GBF1: variants seen among roughly 807,000 people sequenced by gnomAD.
GBF1 encodes golgi brefeldin A resistant guanine nucleotide exchange factor 1.
In GBF1, 114 loss-of-function variants were observed where a neutral mutation model predicts 210.5. The observed-to-expected ratio is 0.54, with a 90% CI of 0.47 to 0.63. The LOEUF (loss-of-function observed/expected upper bound fraction) is 0.63, where lower values mean the gene tolerates loss of function less well. Among genes scored for constraint, GBF1 ranks in the 30% least tolerant of loss-of-function variants. The probability of loss-of-function intolerance (pLI) is 0.00; values close to 1 mark genes in which losing one functional copy is unlikely to be tolerated. For missense variants in GBF1, 1,851 were observed against 2,357.7 expected (o/e 0.79, Z 4.45); for synonymous variants, 850 against 889.2 (o/e 0.96, Z 0.78).
At chr10:102,295,089 T>C (rs1180983873) in intron 3 of GBF1, among the ~76,000 whole-genome samples, 1 of 152,216 alleles carries the variant, frequency 6.6e-6, no homozygotes, top group East Asian at 1.9e-4. Context: ...ATATTTCTAA[T>C]TAACAAGTGT....
intron 3 of GBF1, among the ~76,000 whole-genome samples, chr10:102,311,487 C>A (rs1433692711): frequency 6.6e-6 from 1 of 152,152 alleles, no homozygotes; most frequent in Non-Finnish European, 1.5e-5. Flanking sequence ...CTACACATTC[C>A]CATCTTTTTC....
chr10:102,247,235 A>G (rs865857869), intron 1 of GBF1, among the ~76,000 whole-genome samples: 2 of 152,208 alleles, frequency 1.3e-5, no homozygotes, highest in Non-Finnish European at 2.9e-5. Context: ...TTGAAATTTC[A>G]TAATTTCCCT....
At chr10:102,340,524 C>T (rs760491483) in intron 3 of GBF1, among the ~76,000 whole-genome samples, 24 of 151,758 alleles carry the variant, frequency 1.6e-4, no homozygotes, top group Non-Finnish European at 3.2e-4. Flanking sequence ...CCGCCTGCCT[C>T]GGCCTCCCAA....
chr10:102,363,212 T>A lies in GBF1; in HGVS notation c.1877-44T>A. ...GATCTATCCTGCAGCTCTGCTTGGCTTCATACCCTATAAGTCTTCACGTAT... is the reference window on the plus strand; with the variant it reads ...GATCTATCCTGCAGCTCTGCTTGGCATCATACCCTATAAGTCTTCACGTAT... On this transcript the variant is annotated intron_variant, in intron 15 of 39. Transcript: ENST00000369983. This position sits in a 1 kb window ranked among gnomAD's most constrained non-coding sequence, Gnocchi z 4.2. The A allele has an allele frequency of 6.4e-7, 1 of 1,562,042 alleles. No individual in the cohort carries two copies. Among genetic ancestry groups the A allele is most frequent in the Non-Finnish European group, 8.7e-7 (1 of 1,150,580 alleles).
At chr10:102,343,780 A>G (rs1370682021) in intron 3 of GBF1, among the ~76,000 whole-genome samples, 2 of 148,942 alleles carry the variant, frequency 1.3e-5, no homozygotes, top group Non-Finnish European at 3.0e-5. Context: ...ACTGCACTCC[A>G]AAGCAGGACT....
intron 14 of GBF1, 84 bp from the exon 15 acceptor site, chr10:102,362,388 TAGA>T (rs1479079513): frequency 5.1e-6 from 5 of 971,418 alleles, no homozygotes; most frequent in East Asian, 2.4e-5. Flanking sequence ...ATGTACAAGT[TAGA>T]AGAAGTTTTG....
chr10:102,286,039 TC>T (rs1034844925), intron 3 of GBF1, among the ~76,000 whole-genome samples: 2 of 152,124 alleles, frequency 1.3e-5, no homozygotes, highest in Non-Finnish European at 2.9e-5. Flanking sequence ...CTTCCTCCTT[TC>T]CCCACCACAA....
intron 1 of GBF1, among the ~76,000 whole-genome samples, chr10:102,252,721 C>T (rs1439107344): frequency 6.6e-6 from 1 of 151,910 alleles, no homozygotes; most frequent in African/African-American, 2.4e-5. Flanking sequence ...GTGACTCATG[C>T]CTGTAGTTCC....
intron 3 of GBF1, among the ~76,000 whole-genome samples, chr10:102,289,865 T>C (rs1188419228): frequency 6.6e-6 from 1 of 152,110 alleles, no homozygotes; most frequent in Non-Finnish European, 1.5e-5. Flanking sequence ...TCCAGCACTT[T>C]GAGAGAGGCC....
the GBF1 span, among the ~76,000 whole-genome samples, chr10:102,235,241 C>T: frequency 6.9e-6 from 1 of 144,494 alleles, no homozygotes; most frequent in East Asian, 2.1e-4. Flanking sequence ...GCTAAGGACT[C>T]TGTGTGGGGG....
At chr10:102,344,576 G>A (rs2058407316) in intron 4 of GBF1, among the ~76,000 whole-genome samples, 2 of 152,054 alleles carry the variant, frequency 1.3e-5, no homozygotes, top group South Asian at 4.2e-4. Flanking sequence ...CACCTCCCGG[G>A]TTCATGCCAG....
At chr10:102,256,016 G>A (rs1037372082) in intron 1 of GBF1, among the ~76,000 whole-genome samples, 1 of 152,196 alleles carries the variant, frequency 6.6e-6, no homozygotes, top group Non-Finnish European at 1.5e-5. Flanking sequence ...CACGAACGCG[G>A]TTCACCGCAG....
chr10:102,379,584 A>C lies in GBF1; in HGVS notation c.4709A>C (p.Gln1570Pro), dbSNP rs764380007. Residue 1570 changes from glutamine (Q) to proline (P), a missense_variant, in exon 35 of 40, where the codon CAG (glutamine) becomes CCG (proline). By Grantham distance (76) the Gln-to-Pro change is moderately conservative (BLOSUM62 -1). This residue lies in a region of GBF1 where 967 missense variants were observed against 1,247.7 expected (regional missense o/e 0.78). Coordinates refer to ENST00000369983, the MANE Select transcript of GBF1 (RefSeq NM_001377137.1). ...CGGATGCAGGCACTGACCTATCTGC[A>C]GCGAGCACTACTTGTACATGATCTG... Reference protein sequence around the residue: ...QVRMQALTYLQRALLVHDLQK... With the variant: ...QVRMQALTYLPRALLVHDLQK... 6.2e-7 allele frequency: 1 copy of C among 1,614,084 alleles called. No homozygotes were observed. The highest frequency in any genetic ancestry group is 8.5e-7 in the Non-Finnish European group (1 of 1,180,036).
chr10:102,241,144 C>G (rs2070525468), upstream of GBF1, among the ~76,000 whole-genome samples: 1 of 152,208 alleles, frequency 6.6e-6, no homozygotes, highest in South Asian at 2.1e-4. This position sits in a 1 kb window ranked among gnomAD's most constrained non-coding sequence, Gnocchi z 6.7. Flanking sequence ...TTCCCTATCC[C>G]CTGGTTCTTA....
rs765668355 is a variant in GBF1 at position 102,352,448 on chromosome 10, G to A, written c.524-10G>A. 6.9e-6 allele frequency: 11 copies of A among 1,592,416 alleles called. No individual in the cohort carries two copies. In the South Asian group the frequency reaches 1.2e-4, roughly 18 times the overall value. On this transcript the variant is annotated splice_polypyrimidine_tract_variant and intron_variant, in intron 6 of 39. Transcript: ENST00000369983. ...AATGACACCTGTGTTATTTGTTTTT[G>A]CCTGTGCAGAGTTATTGAGAAAATC... is the stretch of plus-strand genomic sequence containing the variant.
At chr10:102,230,685 G>C in the GBF1 span, 91 of 1,546,280 alleles carry the variant, frequency 5.9e-5, no homozygotes, top group Non-Finnish European at 6.9e-5. Context: ...CGGCAGCCGC[G>C]GCGGCGGCGG....
At position 102,260,070 on chromosome 10, in the gene GBF1, G is replaced by C; in HGVS notation, c.117G>C (p.Leu39=). 1 of 1,592,362 alleles carries C rather than the reference G, an allele frequency of 6.3e-7. No individual in the cohort carries two copies. Among genetic ancestry groups the C allele is most frequent in the Non-Finnish European group, 8.6e-7 (1 of 1,160,668 alleles). Residue 39 remains leucine (L), a synonymous_variant, in exon 3 of 40, where the codon CTG becomes CTC. Transcript: ENST00000369983. The part of the protein sequence containing the change: ...HTPLDEERDP[L]LHSFGHLKEV... ...TACAGGATGAAGAACGGGATCCTCT[G>C]CTGCATAGTTTCGGTCATCTAAAGG...
chr10:102,240,859 A>G (rs1384970812), upstream of GBF1, among the ~76,000 whole-genome samples: 1 of 152,192 alleles, frequency 6.6e-6, no homozygotes, highest in African/African-American at 2.4e-5. Context: ...AGCGTGTGCG[A>G]CCAGGCGCAC....
At chr10:102,248,078 A>G (rs934653312) in intron 1 of GBF1, among the ~76,000 whole-genome samples, 1 of 152,322 alleles carries the variant, frequency 6.6e-6, no homozygotes, top group African/African-American at 2.4e-5. Flanking sequence ...ACTCACTGCA[A>G]GGATCACCCT....
Sources: allele counts gnomAD v4.1 joint callset (sites outside exome capture counted in the v4.1 genomes callset), GRCh38; gene constraint gnomAD v4.1.1; regional missense constraint gnomAD v4.1.1; non-coding constraint Gnocchi (gnomAD v3.1); transcripts MANE v1.5; gene names NCBI Gene and HGNC (gene_info 2026-07-23, HGNC 2026-07-21).